The following EIF4ENIF1 variants were observed in gnomAD, a reference collection of about 807,000 sequenced individuals.
EIF4ENIF1 encodes the protein eukaryotic translation initiation factor 4E transporter.
Under a neutral mutation model 110.5 loss-of-function variants are expected in EIF4ENIF1, and 23 were observed. The observed-to-expected ratio is 0.21, with a 90% CI of 0.15 to 0.29. The LOEUF (loss-of-function observed/expected upper bound fraction) is 0.29, where lower values mean the gene tolerates loss of function less well. Ranked by LOEUF, EIF4ENIF1 falls within the 10% of genes least tolerant of loss-of-function variation. The pLI, the probability that EIF4ENIF1 is intolerant of heterozygous loss-of-function variation, is 1.00. For missense variants in EIF4ENIF1, 1,031 were observed against 1,221.1 expected (o/e 0.84, Z 2.32); for synonymous variants, 440 against 437.0 (o/e 1.01, Z -0.09).
rs201906434 is a variant in EIF4ENIF1 at position 31,455,162 on chromosome 22, G to A, written c.1253C>T (p.Ala418Val). Residue 418 changes from alanine to valine, a missense_variant, in exon 9 of 19, where the codon GCA (alanine) becomes GTA (valine). Around this residue, in one of 3 missense-constraint regions of EIF4ENIF1, gnomAD observed 704 missense variants for 879.7 expected, o/e 0.80. Transcript: ENST00000330125. ...GCTTTCTTTAAGTTTTTCTTTATTT[G>A]CAGAAAGGCTGGAAAGAAGAGGTTT... ...DLKPLLSSLS[A>V]NKEKLKESSH... The A allele has an allele frequency of 1.9e-6, 3 of 1,610,788 alleles. No individual in the cohort carries two copies. The highest frequency in any genetic ancestry group is 1.7e-6 in the Non-Finnish European group (2 of 1,179,124).
chr22:31,455,898 G>A lies in EIF4ENIF1; in HGVS notation c.1053C>T (p.Ser351=), dbSNP rs767403942. The change falls in exon 8 of 19, where the codon TCC becomes TCT. Residue 351 remains serine (S), a synonymous_variant. Coordinates refer to ENST00000330125, the MANE Select transcript of EIF4ENIF1 (RefSeq NM_019843.4). ...CATGTGGTGTTGACCCAAGACTGCTGGATCGGCTTCCTGATCTGCTCGGGT... is the reference window on the plus strand; with the variant it reads ...CATGTGGTGTTGACCCAAGACTGCTAGATCGGCTTCCTGATCTGCTCGGGT... ...FSNPSRSGSR[S]SSLGSTPHEE... The A allele has an allele frequency of 6.2e-7, 1 of 1,614,172 alleles. No individual in the cohort carries two copies. The highest frequency in any genetic ancestry group is 1.1e-5 in the South Asian group (1 of 91,078).
Position 31,473,944 on chromosome 22 carries a change from C to A in EIF4ENIF1, c.97-2027G>T, listed in dbSNP as rs902086619. On this transcript the variant is annotated intron_variant, in intron 2 of 18. Coordinates refer to ENST00000330125, the MANE Select transcript of EIF4ENIF1 (RefSeq NM_019843.4). ...CTTCATTTTGCCACTCTAGCCCTCT[C>A]TCCACTCTCCATATTTACCAGCCAG... Among the ~76,000 whole-genome samples, 4 of 152,286 alleles carry A rather than the reference C, an allele frequency of 2.6e-5. No individual in the cohort carries two copies. In the East Asian group the frequency reaches 5.8e-4, roughly 22 times the overall value.
intron 2 of EIF4ENIF1, among the ~76,000 whole-genome samples, chr22:31,483,274 C>T (rs996763869): frequency 5.1e-5 from 7 of 136,696 alleles, no homozygotes; most frequent in East Asian, 4.5e-4. Context: ...AGTGAAATGG[C>T]GCGATGATGG....
intron 2 of EIF4ENIF1, 130 bp from the exon 3 acceptor site, chr22:31,472,047 T>C: frequency 1.4e-6 from 1 of 696,764 alleles, no homozygotes; most frequent in Non-Finnish European, 2.3e-6. Flanking sequence ...TCTTGCCTTA[T>C]TTCAGAAAGG....
Position 31,441,758 on chromosome 22 carries a change from C to G in EIF4ENIF1, c.2551+16G>C, listed in dbSNP as rs751629079. 2 of 1,595,118 alleles carry G rather than the reference C, an allele frequency of 1.3e-6. No homozygotes were observed. Among genetic ancestry groups the G allele is most frequent in the South Asian group, 2.3e-5 (2 of 88,732 alleles). ...GCCCACAAACTGACGACACCCAAGT[C>G]AGGCTGGAAACTCACCAGTTTGGAG... On this transcript the variant is annotated intron_variant, in intron 17 of 18. Transcript: ENST00000330125.
chr22:31,488,812 T>A, intron 1 of EIF4ENIF1, 67 bp from the exon 2 acceptor site: 1 of 1,504,104 alleles, frequency 6.6e-7, no homozygotes, highest in Non-Finnish European at 8.8e-7. Context: ...TGGCTGTTTC[T>A]TCAGAAGCTG....
chr22:31,489,251 G>T (rs2052165782), intron 1 of EIF4ENIF1: 1 of 153,162 alleles, frequency 6.5e-6, no homozygotes, highest in African/African-American at 2.4e-5. Flanking sequence ...CATGTCAGGG[G>T]CGCCGATGGC....
upstream of EIF4ENIF1, among the ~76,000 whole-genome samples, chr22:31,490,164 G>A (rs1478927286): frequency 6.6e-6 from 1 of 152,228 alleles, no homozygotes; most frequent in Non-Finnish European, 1.5e-5. Flanking sequence ...CAGAGCGGAC[G>A]GCACTTGGGA....
rs776877745 is a variant in EIF4ENIF1, at chr22:31,442,037, T to G, written c.2288A>C (p.Gln763Pro). 7 of 1,614,060 alleles carry G rather than the reference T, an allele frequency of 4.3e-6. No individual in the cohort carries two copies. The East Asian group carries it at 1.1e-4, about 26-fold the overall frequency. The change falls in exon 17 of 19, where the codon CAG (glutamine) becomes CCG (proline). Residue 763 changes from glutamine (Q) to proline (P), a missense_variant. Physicochemically the swap from Gln to Pro is moderately conservative, Grantham distance 76. This residue lies in a region of EIF4ENIF1 where 309 missense variants were observed against 299.1 expected (regional missense o/e 1.03). Transcript: ENST00000330125. ...CAGTGGGGTGGAACACGAAGACCTC[T>G]GTAATGCTGACAGTTTGGAATTTGT... is the stretch of plus-strand genomic sequence containing the variant. ...PTTNSKLSAL[Q>P]RSSCSTPLSQ...
intron 2 of EIF4ENIF1, among the ~76,000 whole-genome samples, chr22:31,472,168 G>A (rs566160381): frequency 2.9e-4 from 44 of 152,080 alleles, no homozygotes; most frequent in African/African-American, 1.0e-3. Context: ...ATAACATTTC[G>A]TAACACTGAA....
At chr22:31,455,387 C>CT in intron 8 of EIF4ENIF1, 72 bp from the exon 9 acceptor site, 1 of 950,200 alleles carries the variant, frequency 1.1e-6, no homozygotes. Context: ...CAGTATTTTT[C>CT]TTTCTTTCTT....
At chr22:31,439,102 GTTAGAAA>G (rs1027467521), downstream of EIF4ENIF1, among the ~76,000 whole-genome samples, 3 of 152,172 alleles carry the variant, frequency 2.0e-5, no homozygotes, top group African/African-American at 7.2e-5. Flanking sequence ...AGCTTGGCTG[GTTAGAAA>G]TTAGGAAGAC....
intron 2 of EIF4ENIF1, among the ~76,000 whole-genome samples, chr22:31,479,084 A>ATT (rs745430447): frequency 4.2e-5 from 6 of 144,358 alleles, no homozygotes; most frequent in Non-Finnish European, 6.1e-5. Context: ...CTCGAAAGAA[A>ATT]TTTTTTTTTT....
chr22:31,471,471 C>T (rs1169112649), intron 3 of EIF4ENIF1, among the ~76,000 whole-genome samples: 8 of 152,124 alleles, frequency 5.3e-5, no homozygotes, highest in South Asian at 4.1e-4. Flanking sequence ...CACGCCACCA[C>T]GCCTGGCTAA....
chr22:31,472,506 C>A (rs942379917), intron 2 of EIF4ENIF1, among the ~76,000 whole-genome samples: 1 of 152,024 alleles, frequency 6.6e-6, no homozygotes, highest in African/African-American at 2.4e-5. Flanking sequence ...TGACCTCAGG[C>A]GATCTGCCCG....
Position 31,468,559 on chromosome 22 carries a change from T to C in EIF4ENIF1, c.171-257A>G, listed in dbSNP as rs141371531. On this transcript the variant is annotated intron_variant, in intron 3 of 18. Coordinates refer to ENST00000330125, the MANE Select transcript of EIF4ENIF1 (RefSeq NM_019843.4). ...ACAAGTGCCCACCACCACATCTTGCTAATTTTTGTATTTTTAGTAGAGATG... is the reference window on the plus strand; with the variant it reads ...ACAAGTGCCCACCACCACATCTTGCCAATTTTTGTATTTTTAGTAGAGATG... 1.2e-4 allele frequency among the ~76,000 whole-genome samples: 19 copies of C among 152,308 alleles called. No homozygotes were observed. The East Asian group carries it at 3.7e-3, about 29-fold the overall frequency.
chr22:31,458,762 A>G, intron 6 of EIF4ENIF1, 112 bp from the exon 7 acceptor site: 2 of 980,502 alleles, frequency 2.0e-6, no homozygotes, highest in South Asian at 2.4e-5. Flanking sequence ...CTTAAAAAGC[A>G]GACTTCTCGT....
intron 2 of EIF4ENIF1, among the ~76,000 whole-genome samples, chr22:31,481,328 A>AT (rs35792669): frequency 0.021 from 3,152 of 147,676 alleles, 116 homozygotes; most frequent in African/African-American, 0.072. Flanking sequence ...ACCTCTGGCA[A>AT]TTTTTTTTTT....
chr22:31,456,439 G>T (rs4297979), intron 7 of EIF4ENIF1, among the ~76,000 whole-genome samples: 1 of 151,572 alleles, frequency 6.6e-6, no homozygotes, highest in Admixed American at 6.6e-5. Flanking sequence ...TAGCCAGGAT[G>T]GTCTCGATCT....
Sources: gnomAD v4.1 joint callset for allele counts (sites outside exome capture counted in the v4.1 genomes callset) on GRCh38, gnomAD v4.1.1 for gene constraint, gnomAD v4.1.1 regional missense constraint, MANE v1.5 for transcripts, NCBI Gene and HGNC (gene_info 2026-07-23, HGNC 2026-07-21) for gene names.